The following CDKN2A variants were observed in gnomAD, a reference collection of about 807,000 sequenced individuals.
CDKN2A encodes cyclin-dependent kinase inhibitor 2A.
A neutral mutation model predicts 11.1 loss-of-function variants in CDKN2A; 3 were observed. The ratio of observed to expected loss-of-function variants is 0.27; its 90% CI spans 0.12 to 0.70. The LOEUF is 0.70. Ranked by LOEUF, CDKN2A falls within the 30% of genes least tolerant of loss-of-function variation. The probability of loss-of-function intolerance (pLI) is 0.77; values close to 1 mark genes in which losing one functional copy is unlikely to be tolerated. For synonymous variants in CDKN2A, 122 were observed against 108.1 expected, an observed-to-expected ratio of 1.13 and a Z score of -0.80; for missense variants, 265 against 233.6, an observed-to-expected ratio of 1.13 and a Z score of -0.88.
At chr9:21,971,704 G>A (rs1456497987) in intron 1 of CDKN2A, among the ~76,000 whole-genome samples, 1 of 151,414 alleles carries the variant, frequency 6.6e-6, no homozygotes, top group Non-Finnish European at 1.5e-5. Context: ...TAGCTTCTGG[G>A]AATGTTGAAC....
exon 2 of CDKN2A, chr9:21,993,992 T>C: frequency 1.2e-6 from 1 of 845,280 alleles, no homozygotes; most frequent in South Asian, 1.5e-5. Flanking sequence ...CATGTCTAAG[T>C]CGTTGTAACC....
In CDKN2A at chr9:21,981,078, ATATATATATACGTG is replaced by A. The variant is rs1248592303; in HGVS notation, c.-3-9884_-3-9871del. 2.5e-4 allele frequency among the ~76,000 whole-genome samples: 25 copies of A among 98,130 alleles called. 7 individuals are homozygous for A. The highest frequency in any genetic ancestry group is 4.3e-4 in the Non-Finnish European group (21 of 49,338). 64.4% of individuals were successfully genotyped at this position (98,130 alleles called of 152,430 possible). A position where few individuals can be genotyped will look rare whatever the true frequency, so the allele number is the denominator to read the frequency against. On this transcript the variant is annotated intron_variant, in intron 2 of 3. Coordinates refer to the CDKN2A transcript ENST00000494262. ...TACGTGTATATATATATACGTGTAT[ATATATATATACGTG>A]TATATATATACGTGTATATATATAT... is the stretch of plus-strand genomic sequence containing the variant.
upstream of CDKN2A, chr9:21,975,013 G>T (rs1020242225): frequency 1.4e-6 from 2 of 1,385,426 alleles, no homozygotes; most frequent in Admixed American, 3.5e-5. Context: ...CAGGCAAGGG[G>T]ACGCCGTGAG....
chr9:21,977,501 G>T (rs928504953), upstream of CDKN2A, among the ~76,000 whole-genome samples: 5 of 152,154 alleles, frequency 3.3e-5, no homozygotes, highest in African/African-American at 1.2e-4. Context: ...GAGTAGCTGG[G>T]ATTACAGGCA....
In CDKN2A at chr9:21,994,747, A is replaced by G. The variant is rs1485312504; in HGVS notation, c.-176+74T>C. The G allele has an allele frequency of 2.0e-4, 26 of 133,042 alleles. No individual in the cohort carries two copies. The East Asian group carries it at 3.2e-3, about 16-fold the overall frequency. 8.2% of individuals were successfully genotyped at this position (133,042 alleles called of 1,614,324 possible). ...CGCGGGCGCCCCGCGGTGACGGCCC[A>G]GGGGCCGGACGCCTGGAACGCAACT... On this transcript the variant is annotated intron_variant, in intron 1 of 3. Transcript: ENST00000494262.
At chr9:21,994,011 G>C in exon 2 of CDKN2A, 3 of 1,037,698 alleles carry the variant, frequency 2.9e-6, no homozygotes, top group Non-Finnish European at 4.3e-6. Flanking sequence ...CCCGAATGGG[G>C]AAGCCTCCAC....
At chr9:21,993,504 A>G (rs1820487977) in intron 2 of CDKN2A, among the ~76,000 whole-genome samples, 1 of 152,122 alleles carries the variant, frequency 6.6e-6, no homozygotes, top group African/African-American at 2.4e-5. Context: ...AGGCCGCCGG[A>G]CCTCTACCTC....
intron 1 of CDKN2A, 52 bp from the exon 2 acceptor site, chr9:21,971,260 A>T (rs1819732983): frequency 6.4e-7 from 1 of 1,569,276 alleles, no homozygotes; most frequent in Non-Finnish European, 8.6e-7. Flanking sequence ...GGCATGACGG[A>T]AAGGAAGCTT....
At chr9:21,970,085 AT>A (rs1002369679) in intron 2 of CDKN2A, among the ~76,000 whole-genome samples, 1 of 152,216 alleles carries the variant, frequency 6.6e-6, no homozygotes, top group African/African-American at 2.4e-5. Flanking sequence ...TCAAAAAAAA[AT>A]GTTCCTCCCC....
Position 21,968,653 on chromosome 9 carries a change from G to A in CDKN2A, c.458-411C>T. The A allele has an allele frequency of 6.5e-7, 1 of 1,534,334 alleles. No homozygotes were observed. Among genetic ancestry groups the A allele is most frequent in the Non-Finnish European group, 8.7e-7 (1 of 1,145,776 alleles). On this transcript the variant is annotated intron_variant, in intron 2 of 2. Coordinates refer to ENST00000304494, the MANE Select transcript of CDKN2A (RefSeq NM_000077.5). The surrounding 1 kb of genome is among the most constrained non-coding windows in gnomAD (Gnocchi z 4.7). ...GCATCTTTTGCACCTGGTGCGGAGT[G>A]AGCCAGCCAGCTTGCGATAACCAAA...
At chr9:21,983,056 A>C (rs1820230580) in intron 2 of CDKN2A, among the ~76,000 whole-genome samples, 1 of 152,092 alleles carries the variant, frequency 6.6e-6, no homozygotes, top group Non-Finnish European at 1.5e-5. Flanking sequence ...CTTTAGAGCA[A>C]GTTGCAAAAC....
chr9:21,994,761 T>A, intron 1 of CDKN2A: 3 of 148,172 alleles, frequency 2.0e-5, no homozygotes, highest in Non-Finnish European at 3.7e-5. Context: ...GCCGGACGCC[T>A]GGAACGCAAC....
At position 21,974,340 on chromosome 9, in the gene CDKN2A, A is replaced by C; in HGVS notation, c.150+338T>G. 1 of 1,392,838 alleles carries C rather than the reference A, an allele frequency of 7.2e-7. No individual in the cohort carries two copies. The highest frequency in any genetic ancestry group is 9.6e-7 in the Non-Finnish European group (1 of 1,046,730). The allele number at this position is 1,392,838 out of a possible 1,614,324, so 86.3% of individuals were successfully genotyped here. A position where few individuals can be genotyped will look rare whatever the true frequency, so the allele number is the denominator to read the frequency against. ...GCTAAGTAGTCCCAGCACATCTTAC[A>C]TTTCTTTAAGACTCCCTTTTTATCC... On this transcript the variant is annotated intron_variant, in intron 1 of 2. Coordinates refer to ENST00000304494, the MANE Select transcript of CDKN2A (RefSeq NM_000077.5). This position sits in a 1 kb window ranked among gnomAD's most constrained non-coding sequence, Gnocchi z 5.2.
At chr9:21,984,978 C>A (rs1233171549) in intron 2 of CDKN2A, among the ~76,000 whole-genome samples, 1 of 151,958 alleles carries the variant, frequency 6.6e-6, no homozygotes, top group African/African-American at 2.4e-5. Context: ...AAATCACATT[C>A]TTCACCTGAT....
rs948854256 is a variant in CDKN2A, at chr9:21,974,082, G to A, written c.150+596C>T. ...CTTTTTGTATTTTTAGTAGAGGCGAGGTTTCACCTGTTGGCCAGGCTGGTC... is the reference window on the plus strand; with the variant it reads ...CTTTTTGTATTTTTAGTAGAGGCGAAGTTTCACCTGTTGGCCAGGCTGGTC... On this transcript the variant is annotated intron_variant, in intron 1 of 2. Transcript: ENST00000304494. The surrounding 1 kb of genome is among the most constrained non-coding windows in gnomAD (Gnocchi z 5.2). Among the ~76,000 whole-genome samples, 1 of 152,148 alleles carries A rather than the reference G, an allele frequency of 6.6e-6. No homozygotes were observed.
At chr9:21,972,627 T>A (rs902878044) in intron 1 of CDKN2A, among the ~76,000 whole-genome samples, 3 of 152,216 alleles carry the variant, frequency 2.0e-5, no homozygotes, top group Non-Finnish European at 2.9e-5. Context: ...GCTAACACAT[T>A]TGTGATAATT....
rs773755761 is a variant in CDKN2A at position 21,974,689 on chromosome 9, T to G, written c.139A>C (p.Arg47=). ...GACCCTCTACCCACCTGGATCGGCC[T>G]CCGACCGTAACTATTCGGTGCGTTG... ...LPNAPNSYGR[R]PIQVMMMGSA... is the part of the protein sequence containing the mutation. The change falls in exon 1 of 3, where the codon AGG becomes CGG. Residue 47 remains arginine, a synonymous_variant. Coordinates refer to ENST00000304494, the MANE Select transcript of CDKN2A (RefSeq NM_000077.5). The surrounding 1 kb of genome is among the most constrained non-coding windows in gnomAD (Gnocchi z 5.2). 6.2e-7 allele frequency: 1 copy of G among 1,613,942 alleles called. No homozygotes were observed. Among genetic ancestry groups the G allele is most frequent in the South Asian group, 1.1e-5 (1 of 91,076 alleles).
intron 2 of CDKN2A, among the ~76,000 whole-genome samples, chr9:21,993,275 C>T (rs1005723732): frequency 1.8e-4 from 28 of 152,102 alleles, no homozygotes; most frequent in African/African-American, 6.5e-4. Flanking sequence ...TTCAGTTTTC[C>T]TGGTTATAGG....
At chr9:21,970,387 T>G in intron 2 of CDKN2A, 2 of 274,754 alleles carry the variant, frequency 7.3e-6, no homozygotes, top group Non-Finnish European at 1.4e-5. Context: ...AAGCGGAGGG[T>G]CAGATTAGCT....
Sources: allele counts gnomAD v4.1 joint callset (sites outside exome capture counted in the v4.1 genomes callset), GRCh38; gene constraint gnomAD v4.1.1; non-coding constraint Gnocchi (gnomAD v3.1); transcripts MANE v1.5; gene names NCBI Gene and HGNC (gene_info 2026-07-23, HGNC 2026-07-21).